Variants in DMD observed in about 807,000 individuals in gnomAD.
DMD encodes the protein dystrophin, also known as mutant dystrophin.
Under a neutral mutation model 330.1 loss-of-function variants are expected in DMD, and 63 were observed. That is an observed-to-expected ratio of 0.19 (90% CI 0.16 to 0.24). The LOEUF is 0.24. Ranked by LOEUF, DMD falls within the 10% of genes least tolerant of loss-of-function variation. The pLI, the probability that DMD is intolerant of heterozygous loss-of-function variation, is 1.00. For missense variants in DMD, 3,344 were observed against 2,684.1 expected (o/e 1.25, Z -5.43); for synonymous variants, 1,223 against 959.8 (o/e 1.27, Z -5.07).
intron 18 of DMD, among the ~76,000 whole-genome samples, chrX:32,507,793 AAAG>A (rs2035866853): frequency 9.0e-6 from 1 of 111,730 alleles, no homozygotes. Flanking sequence ...TAATTGTAAG[AAAG>A]AAGAAATCAG....
chrX:32,905,865 G>C lies in DMD; in HGVS notation c.94-56045C>G, dbSNP rs187202344. Among the ~76,000 whole-genome samples, 36 of 111,484 alleles carry C rather than the reference G, an allele frequency of 3.2e-4. No homozygotes were observed. In the South Asian group the frequency reaches 7.7e-3, roughly 24 times the overall value. ...CCAGTAGCAAACATCTCTTCTTTTA[G>C]TTATGCCACTAGGAATCTCTCCGGA... On this transcript the variant is annotated intron_variant, in intron 2 of 78. Transcript: ENST00000357033.
chrX:31,349,864 G>T (rs1258727215), intron 60 of DMD, among the ~76,000 whole-genome samples: 1 of 111,520 alleles, frequency 9.0e-6, no homozygotes, highest in Non-Finnish European at 1.9e-5. Flanking sequence ...GTGGTGTGCA[G>T]AATTCCCGAG....
rs761875335 is a variant in DMD, at chrX:31,128,174, A to AGT, written c.11015-1503_11015-1502dup. 4.4e-3 allele frequency among the ~76,000 whole-genome samples: 486 copies of AGT among 111,697 alleles called. 2 individuals carry two copies. The highest frequency in any genetic ancestry group is 0.014 in the Middle Eastern group (3 of 217). On this transcript the variant is annotated intron_variant, in intron 77 of 78. Transcript: ENST00000357033. ...TCCTTTAGCAAGGTTTTTTTAAAAAAGTATCTTTATGTTTCATAATACTGT... is the reference window on the plus strand; with the variant it reads ...TCCTTTAGCAAGGTTTTTTTAAAAAAGTGTATCTTTATGTTTCATAATACTGT...
intron 50 of DMD, among the ~76,000 whole-genome samples, chrX:31,814,477 C>A (rs1192513400): frequency 3.6e-5 from 2 of 55,165 alleles, no homozygotes; most frequent in Admixed American, 5.9e-4. Flanking sequence ...AGTGAGACTC[C>A]GTCTCAAAAA....
At chrX:33,003,548 TTAGAA>T (rs779871658) in intron 2 of DMD, among the ~76,000 whole-genome samples, 1 of 112,084 alleles carries the variant, frequency 8.9e-6, no homozygotes, top group Non-Finnish European at 1.9e-5. Flanking sequence ...ATGTAACTGT[TTAGAA>T]TCTTAACTAT....
At chrX:31,991,455 T>G (rs1210143755) in intron 44 of DMD, among the ~76,000 whole-genome samples, 1 of 110,598 alleles carries the variant, frequency 9.0e-6, no homozygotes, top group Non-Finnish European at 1.9e-5. Context: ...TGAACCTTAA[T>G]AGGTTGGAAG....
In DMD at chrX:32,044,722, T is replaced by G. The variant is rs1172112233; in HGVS notation, c.6439-76208A>C. On this transcript the variant is annotated intron_variant, in intron 44 of 78. Coordinates refer to ENST00000357033, the MANE Select transcript of DMD (RefSeq NM_004006.3). ...CAGGCGTGAGCCTCCGCACCCAGCC[T>G]ATATCATTGTTATTACTATCGTTAT... 2.7e-5 allele frequency among the ~76,000 whole-genome samples: 3 copies of G among 112,312 alleles called. No individual in the cohort carries two copies. In the East Asian group the frequency reaches 8.4e-4, roughly 32 times the overall value.
intron 7 of DMD, among the ~76,000 whole-genome samples, chrX:32,736,893 G>A (rs746121147): frequency 9.1e-6 from 1 of 109,961 alleles, no homozygotes; most frequent in Admixed American, 9.7e-5. Flanking sequence ...ATGTGCACAT[G>A]TACCCTAAAG....
At chrX:32,576,228 A>G (rs937921848) in intron 13 of DMD, among the ~76,000 whole-genome samples, 5 of 111,500 alleles carry the variant, frequency 4.5e-5, no homozygotes, top group African/African-American at 1.6e-4. Flanking sequence ...TATATATAGT[A>G]TTTATGAATT....
At chrX:31,690,056 T>C (rs892502980) in intron 52 of DMD, among the ~76,000 whole-genome samples, 2 of 111,968 alleles carry the variant, frequency 1.8e-5, no homozygotes, top group South Asian at 3.7e-4. Context: ...GACGTAGGCA[T>C]GGGCAAGGAC....
chrX:32,239,762 C>G (rs150151058), intron 43 of DMD, among the ~76,000 whole-genome samples: 2,280 of 111,405 alleles, frequency 0.02, 69 homozygotes, highest in African/African-American at 0.069. Context: ...ACTGGTAACC[C>G]ATAAATTTAT....
intron 9 of DMD, among the ~76,000 whole-genome samples, chrX:32,684,055 A>ACG (rs1332779049): frequency 2.8e-5 from 3 of 107,305 alleles, no homozygotes; most frequent in Middle Eastern, 4.3e-3. Flanking sequence ...ACACACACAC[A>ACG]GTGTGTATAC....
intron 23 of DMD, among the ~76,000 whole-genome samples, chrX:32,465,876 G>A (rs924430397): frequency 4.5e-5 from 5 of 110,949 alleles, no homozygotes; most frequent in African/African-American, 6.6e-5. Flanking sequence ...GAGCCACTAC[G>A]CCTGGGCTGT....
At chrX:33,196,436 T>G (rs1414856325) in intron 1 of DMD, among the ~76,000 whole-genome samples, 3 of 110,981 alleles carry the variant, frequency 2.7e-5, no homozygotes, top group African/African-American at 9.8e-5. Context: ...TCTTATTTGT[T>G]TTAGAAACTC....
chrX:32,441,396 T>C (rs2148224006), intron 27 of DMD, 82 bp from the exon 28 acceptor site: 1 of 958,975 alleles, frequency 1.0e-6, no homozygotes, highest in East Asian at 3.1e-5. Flanking sequence ...TATTAAAACT[T>C]CTGAAAATAT....
chrX:31,309,203 G>A (rs2055284912), intron 62 of DMD, among the ~76,000 whole-genome samples: 1 of 112,137 alleles, frequency 8.9e-6, no homozygotes, highest in African/African-American at 3.2e-5. Context: ...CGTTGTCAGA[G>A]AGTTTACAGC....
rs865963939 is a variant in DMD at position 32,843,602 on chromosome X, G to A, written c.264+1181C>T. 7.1e-5 allele frequency among the ~76,000 whole-genome samples: 8 copies of A among 112,225 alleles called. No individual in the cohort carries two copies. The South Asian group carries it at 3.0e-3, about 41-fold the overall frequency. ...CTGAGCAACATTTGGGGGAGTACAT[G>A]TTATTATTAATCTATCCCTGCTTAT... On this transcript the variant is annotated intron_variant, in intron 4 of 78. Transcript: ENST00000357033.
intron 2 of DMD, among the ~76,000 whole-genome samples, chrX:32,901,394 T>C (rs150295592): frequency 0.014 from 1,524 of 112,140 alleles, 41 homozygotes; most frequent in African/African-American, 0.047. Context: ...TCAACTTCTC[T>C]TCAAAATTAT....
intron 30 of DMD, among the ~76,000 whole-genome samples, chrX:32,405,436 A>C (rs2098112199): frequency 8.9e-6 from 1 of 112,126 alleles, no homozygotes; most frequent in Admixed American, 9.5e-5. Flanking sequence ...TAATCATAGT[A>C]CTTTGGAAAT....
Sources: allele counts gnomAD v4.1 joint callset (sites outside exome capture counted in the v4.1 genomes callset), GRCh38; gene constraint gnomAD v4.1.1; transcripts MANE v1.5; gene names NCBI Gene and HGNC (gene_info 2026-07-23, HGNC 2026-07-21).